UTRN: variants seen among roughly 807,000 people sequenced by gnomAD.
The protein encoded by UTRN is utrophin.
In UTRN, 283 loss-of-function variants were observed where a neutral mutation model predicts 463.9. The observed-to-expected ratio is 0.61, with a 90% CI of 0.55 to 0.67. UTRN has a LOEUF of 0.67. UTRN is among the 30% of genes least tolerant of loss of function. UTRN has a pLI of 0.00. For missense variants in UTRN, 3,922 were observed against 4,084.3 expected (o/e 0.96, Z 1.08); for synonymous variants, 1,442 against 1,431.5 (o/e 1.01, Z -0.17).
intron 43 of UTRN, among the ~76,000 whole-genome samples, chr6:144,533,718 G>GTAGTA (rs1554281759): frequency 2.0e-5 from 3 of 148,588 alleles, no homozygotes; most frequent in African/African-American, 7.4e-5. Flanking sequence ...CTTCATCTAT[G>GTAGTA]TAATATAATA....
intron 54 of UTRN, among the ~76,000 whole-genome samples, chr6:144,744,577 G>C (rs1261006366): frequency 6.7e-6 from 1 of 148,730 alleles, no homozygotes; most frequent in East Asian, 2.0e-4. Context: ...AAGACCCGAA[G>C]GGAGGAGAAT....
chr6:144,529,093 G>T (rs2128600384), intron 41 of UTRN, among the ~76,000 whole-genome samples: 1 of 152,286 alleles, frequency 6.6e-6, no homozygotes, highest in East Asian at 1.9e-4. Context: ...GCGTGCAGTT[G>T]CAGGCCTCAC....
intron 51 of UTRN, among the ~76,000 whole-genome samples, chr6:144,633,766 T>C (rs1297859152): frequency 6.6e-5 from 10 of 152,250 alleles, no homozygotes; most frequent in Non-Finnish European, 1.5e-4. Flanking sequence ...CTAGTTTTCA[T>C]TCTTTTCCTT....
rs1029658640 is a variant in UTRN at position 144,523,288 on chromosome 6, T to C, written c.5906+100T>C. On this transcript the variant is annotated intron_variant, in intron 41 of 74. Coordinates refer to ENST00000367545, the MANE Select transcript of UTRN (RefSeq NM_007124.3). ...ACACTGAGATTAATGAGAACATGTTTCATATCCTTGTAGGATGCCCTATTA... is the reference window on the plus strand; with the variant it reads ...ACACTGAGATTAATGAGAACATGTTCCATATCCTTGTAGGATGCCCTATTA... The C allele has an allele frequency of 5.2e-5, 50 of 970,288 alleles. 1 individual carries two copies. Among genetic ancestry groups the C allele is most frequent in the African/African-American group, 6.8e-5 (4 of 58,596 alleles). 60.1% of individuals were successfully genotyped at this position (970,288 alleles called of 1,614,324 possible). A position where few individuals can be genotyped will look rare whatever the true frequency, so the allele number is the denominator to read the frequency against.
At chr6:144,709,293 A>G (rs930735161) in intron 53 of UTRN, among the ~76,000 whole-genome samples, 5 of 152,096 alleles carry the variant, frequency 3.3e-5, no homozygotes, top group African/African-American at 1.2e-4. Flanking sequence ...ATTTTTTCAG[A>G]TATGTTTTAG....
intron 52 of UTRN, among the ~76,000 whole-genome samples, chr6:144,680,843 A>G (rs1290946454): frequency 6.6e-6 from 1 of 152,240 alleles, no homozygotes; most frequent in African/African-American, 2.4e-5. Flanking sequence ...GAAAATCAAT[A>G]CATTAAGTCT....
chr6:144,658,643 T>C (rs1779568321), intron 51 of UTRN, among the ~76,000 whole-genome samples: 1 of 152,254 alleles, frequency 6.6e-6, no homozygotes, highest in African/African-American at 2.4e-5. Flanking sequence ...TTATAAGCAC[T>C]GCATCTTTAT....
chr6:144,444,507 T>TTCC, intron 14 of UTRN, 125 bp downstream of exon 14: 1 of 535,716 alleles, frequency 1.9e-6, no homozygotes, highest in Non-Finnish European at 3.0e-6. Flanking sequence ...AATAATTATT[T>TTCC]TAAAGATCAA....
intron 18 of UTRN, among the ~76,000 whole-genome samples, chr6:144,451,949 G>A (rs1277942220): frequency 2.0e-5 from 3 of 152,134 alleles, no homozygotes; most frequent in African/African-American, 7.2e-5. Context: ...TGGGATCTTA[G>A]CCCTGCCGCT....
intron 2 of UTRN, among the ~76,000 whole-genome samples, chr6:144,313,485 A>G (rs1428599447): frequency 6.6e-6 from 1 of 152,232 alleles, no homozygotes; most frequent in Non-Finnish European, 1.5e-5. Flanking sequence ...ATGACAGAAC[A>G]TGGTGGTGGA....
chr6:144,533,951 TTTTG>T (rs1259956066), intron 43 of UTRN, among the ~76,000 whole-genome samples: 4 of 152,226 alleles, frequency 2.6e-5, no homozygotes, highest in Non-Finnish European at 5.9e-5. Flanking sequence ...TAATGATCTT[TTTTG>T]TTTGTTTGTT....
At chr6:144,579,847 A>G (rs1801793772) in intron 51 of UTRN, among the ~76,000 whole-genome samples, 1 of 152,188 alleles carries the variant, frequency 6.6e-6, no homozygotes, top group African/African-American at 2.4e-5. Flanking sequence ...TTAAAGATAA[A>G]TATGTACATT....
At chr6:144,469,088 GA>G (rs112606947) in intron 23 of UTRN, among the ~76,000 whole-genome samples, 4,475 of 152,226 alleles carry the variant, frequency 0.029, 225 homozygotes, top group African/African-American at 0.1. Flanking sequence ...TCCTTCCCAT[GA>G]GCTGTATTTG....
chr6:144,685,496 C>T (rs9484897), intron 52 of UTRN, among the ~76,000 whole-genome samples: 9,498 of 152,122 alleles, frequency 0.062, 1,032 homozygotes, highest in African/African-American at 0.22. Flanking sequence ...GTTTAAGCAT[C>T]CCCATTTCAC....
intron 18 of UTRN, among the ~76,000 whole-genome samples, chr6:144,453,113 A>G (rs763761109): frequency 5.5e-4 from 84 of 152,096 alleles, no homozygotes; most frequent in Non-Finnish European, 9.3e-4. Flanking sequence ...AAATATTTCT[A>G]TCCATTTTTT....
intron 2 of UTRN, among the ~76,000 whole-genome samples, chr6:144,385,798 T>C (rs1463783422): frequency 6.6e-6 from 1 of 151,806 alleles, no homozygotes; most frequent in Non-Finnish European, 1.5e-5. Context: ...AACCTCCGCC[T>C]CTTAAGTTCA....
rs1256852716 is a variant in UTRN, at chr6:144,732,283, CAT to C, written c.7939+1809_7939+1810del. On this transcript the variant is annotated intron_variant, in intron 54 of 74. Coordinates refer to ENST00000367545, the MANE Select transcript of UTRN (RefSeq NM_007124.3). ...ACACACATATATATATATATACACACATATATATATATACACATATATATATA... is the reference window on the plus strand; with the variant it reads ...ACACACATATATATATATATACACACATATATATATACACATATATATATA... Among the ~76,000 whole-genome samples the C allele has an allele frequency of 2.6e-3, 322 of 123,794 alleles. 3 individuals are homozygous for C. The highest frequency in any genetic ancestry group is 5.6e-3 in the African/African-American group (162 of 29,174). 81.2% of individuals were successfully genotyped at this position (123,794 alleles called of 152,430 possible). A position where few individuals can be genotyped will look rare whatever the true frequency, so the allele number is the denominator to read the frequency against.
chr6:144,485,096 A>G (rs1279810666), intron 27 of UTRN, among the ~76,000 whole-genome samples: 4 of 151,318 alleles, frequency 2.6e-5, no homozygotes, highest in Non-Finnish European at 4.4e-5. Context: ...ATATATATAT[A>G]TATATTTTTA....
intron 60 of UTRN, among the ~76,000 whole-genome samples, chr6:144,778,005 T>C (rs539017807): frequency 1.9e-4 from 29 of 152,340 alleles, no homozygotes; most frequent in African/African-American, 7.0e-4. Flanking sequence ...CTTATTGTGT[T>C]GTATTTCATG....
Sources: gnomAD v4.1 joint callset for allele counts (sites outside exome capture counted in the v4.1 genomes callset) on GRCh38, gnomAD v4.1.1 for gene constraint, MANE v1.5 for transcripts, NCBI Gene and HGNC (gene_info 2026-07-23, HGNC 2026-07-21) for gene names.